The following SNX1 variants were observed in gnomAD, a reference collection of about 807,000 sequenced individuals.
SNX1 encodes the protein sorting nexin-1.
In SNX1, 36 loss-of-function variants were observed where a neutral mutation model predicts 71.8. The ratio of observed to expected loss-of-function variants is 0.50; its 90% CI spans 0.38 to 0.66. SNX1 has a LOEUF of 0.66. Ranked by LOEUF, SNX1 falls within the 30% of genes least tolerant of loss-of-function variation. The pLI, the probability that SNX1 is intolerant of heterozygous loss-of-function variation, is 0.00. For missense variants in SNX1, 612 were observed against 646.7 expected, an observed-to-expected ratio of 0.95 and a Z score of 0.58; for synonymous variants, 254 against 240.7, an observed-to-expected ratio of 1.06 and a Z score of -0.51.
At chr15:64,116,230 TG>T (rs1203798412) in intron 2 of SNX1, among the ~76,000 whole-genome samples, 2 of 152,210 alleles carry the variant, frequency 1.3e-5, no homozygotes, top group Non-Finnish European at 2.9e-5. Context: ...TAAATGGAAG[TG>T]GTTCATCATA....
At chr15:64,136,503 G>A in intron 13 of SNX1, 93 bp downstream of exon 13, 1 of 1,135,112 alleles carries the variant, frequency 8.8e-7, no homozygotes. Flanking sequence ...AAAGAGAGAG[G>A]TGCCAGTAAC....
intron 1 of SNX1, among the ~76,000 whole-genome samples, chr15:64,098,940 T>A (rs902708838): frequency 6.6e-6 from 1 of 152,118 alleles, no homozygotes; most frequent in African/African-American, 2.4e-5. Context: ...AAATGCCACC[T>A]ATAAGCCATT....
chr15:64,127,897 C>A, intron 8 of SNX1, 91 bp downstream of exon 8: 2 of 872,422 alleles, frequency 2.3e-6, no homozygotes, highest in South Asian at 1.4e-5. Context: ...GAGCACTTAA[C>A]ATGCCTAGTA....
chr15:64,131,986 C>T (rs955756621), intron 11 of SNX1, 94 bp downstream of exon 11: 1 of 1,301,974 alleles, frequency 7.7e-7, no homozygotes, highest in African/African-American at 1.5e-5. Flanking sequence ...CCCATTATAG[C>T]TTGTAAATAG....
Position 64,131,512 on chromosome 15 carries a change from A to C in SNX1, c.1016-175A>C, listed in dbSNP as rs2081306165. ...CCTCCTGCTCCTGTGACCAGGCCAC[A>C]TTCTCTTTACTCTCTGAATACAGTT... On this transcript the variant is annotated intron_variant, in intron 10 of 14. Coordinates refer to ENST00000559844, the MANE Select transcript of SNX1 (RefSeq NM_003099.5). 6 of 626,354 alleles carry C rather than the reference A, an allele frequency of 9.6e-6. 1 individual carries two copies. Among genetic ancestry groups the C allele is most frequent in the Non-Finnish European group, 1.4e-5 (5 of 362,534 alleles). 38.8% of individuals were successfully genotyped at this position (626,354 alleles called of 1,614,324 possible).
chr15:64,101,020 C>CT (rs2080956061), intron 1 of SNX1, among the ~76,000 whole-genome samples: 1 of 152,140 alleles, frequency 6.6e-6, no homozygotes, highest in African/African-American at 2.4e-5. Context: ...AGACTGGTCT[C>CT]TTAACTACTG....
At chr15:64,123,945 A>C (rs921215078) in intron 5 of SNX1, among the ~76,000 whole-genome samples, 1 of 151,980 alleles carries the variant, frequency 6.6e-6, no homozygotes. Flanking sequence ...TCTTTTGTAT[A>C]TAATATTAAT....
At chr15:64,115,692 T>G (rs762605280) in intron 2 of SNX1, 5 of 222,230 alleles carry the variant, frequency 2.2e-5, no homozygotes, top group South Asian at 2.1e-4. Flanking sequence ...ACCTTCTGAG[T>G]AGCTAGGACC....
chr15:64,115,252 T>A (rs929699363), intron 2 of SNX1, among the ~76,000 whole-genome samples: 1 of 152,204 alleles, frequency 6.6e-6, no homozygotes, highest in African/African-American at 2.4e-5. Flanking sequence ...ACTAGTTTTT[T>A]AAGTAGCCAA....
At position 64,126,135 on chromosome 15, in the gene SNX1, C is replaced by T. The variant is rs368338707; in HGVS notation, c.567C>T (p.Asp189=). 4 of 1,613,984 alleles carry T rather than the reference C, an allele frequency of 2.5e-6. No individual in the cohort carries two copies. The highest frequency in any genetic ancestry group is 2.5e-6 in the Non-Finnish European group (3 of 1,179,986). The part of the protein sequence containing the change: ...KQFAVKRRFS[D]FLGLYEKLSE... ...TTGCAGTAAAAAGAAGATTTAGTGA[C>T]TTTCTGGGTCTTTATGAGAAGCTTT... Residue 189 remains aspartate, a synonymous_variant, in exon 6 of 15, where the codon GAC becomes GAT. Transcript: ENST00000559844.
intron 2 of SNX1, among the ~76,000 whole-genome samples, chr15:64,116,168 A>G (rs2081126926): frequency 6.6e-6 from 1 of 152,220 alleles, no homozygotes; most frequent in Admixed American, 6.5e-5. Flanking sequence ...TAAGCTAGAG[A>G]AAAGAAAGTT....
In SNX1 at chr15:64,111,485, A is replaced by T. The variant is rs559184792; in HGVS notation, c.160-1088A>T. On this transcript the variant is annotated intron_variant, in intron 1 of 14. Transcript: ENST00000559844. Reference sequence around the variant, plus strand: ...AAGACTAGTCAAGTGCAGTAGTGAGAAGTGGGGAAATATCAAACAAGGGTT... The same window carrying T: ...AAGACTAGTCAAGTGCAGTAGTGAGTAGTGGGGAAATATCAAACAAGGGTT... The T allele has an allele frequency of 6.6e-5, 10 of 152,264 alleles. No individual in the cohort carries two copies. In the South Asian group the frequency reaches 1.9e-3, roughly 28 times the overall value. 9.4% of individuals were successfully genotyped at this position (152,264 alleles called of 1,614,324 possible). A position where few individuals can be genotyped will look rare whatever the true frequency, so the allele number is the denominator to read the frequency against.
chr15:64,134,582 T>C lies in SNX1; in HGVS notation c.1222-82T>C, dbSNP rs1340589534. ...TTGCTCAGTCTGTCCCTGGTGCAGC[T>C]GCTGGGAGAGCCTGCCTCGAGGCAG... On this transcript the variant is annotated intron_variant, in intron 11 of 14. Transcript: ENST00000559844. This position sits in a 1 kb window ranked among gnomAD's most constrained non-coding sequence, Gnocchi z 4.1. 5 of 1,510,234 alleles carry C rather than the reference T, an allele frequency of 3.3e-6. No individual in the cohort carries two copies. In the East Asian group the frequency reaches 6.9e-5, roughly 21 times the overall value. 93.6% of individuals were successfully genotyped at this position (1,510,234 alleles called of 1,614,324 possible).
intron 1 of SNX1, among the ~76,000 whole-genome samples, chr15:64,112,357 G>C (rs1302722702): frequency 6.6e-6 from 1 of 152,234 alleles, no homozygotes; most frequent in Non-Finnish European, 1.5e-5. Context: ...TAGGGCATTT[G>C]AGCGAGGTTA....
At chr15:64,137,424 T>C (rs936859967) in intron 14 of SNX1, 144 bp from the exon 15 acceptor site, 10 of 765,198 alleles carry the variant, frequency 1.3e-5, no homozygotes, top group African/African-American at 1.2e-4. Flanking sequence ...GTGAAGGTCA[T>C]GTGGCCTGTG....
Position 64,142,565 on chromosome 15 carries a change from T to C in SNX1, c.*4947T>C. The C allele has an allele frequency of 2.2e-6, 1 of 452,234 alleles. No individual in the cohort carries two copies. Among genetic ancestry groups the C allele is most frequent in the East Asian group, 7.0e-5 (1 of 14,344 alleles). 28.0% of individuals were successfully genotyped at this position (452,234 alleles called of 1,614,324 possible). ...ACTGCTGAGGCCACAGGAAAGAATC[T>C]GTAGGTGGAGGGGAGGCCGAAGAGG... On this transcript the variant is annotated 3_prime_UTR_variant, in exon 15 of 15. Transcript: ENST00000559844.
intron 1 of SNX1, among the ~76,000 whole-genome samples, chr15:64,101,889 A>C (rs2080965816): frequency 6.6e-6 from 1 of 152,218 alleles, no homozygotes; most frequent in Non-Finnish European, 1.5e-5. Context: ...GAAAGAGAGG[A>C]TTTTGAATGT....
Position 64,142,569 on chromosome 15 carries a change from G to C in SNX1, c.*4951G>C, listed in dbSNP as rs2081425899. On this transcript the variant is annotated 3_prime_UTR_variant, in exon 15 of 15. Transcript: ENST00000559844. ...CTGAGGCCACAGGAAAGAATCTGTA[G>C]GTGGAGGGGAGGCCGAAGAGGGGAA... The C allele has an allele frequency of 1.3e-5, 6 of 453,390 alleles. No individual in the cohort carries two copies. Among genetic ancestry groups the C allele is most frequent in the South Asian group, 9.3e-5 (6 of 64,272 alleles). The allele number at this position is 453,390 out of a possible 1,614,324, so 28.1% of individuals were successfully genotyped here.
In SNX1 at chr15:64,134,874, C is replaced by A; in HGVS notation, c.1365+67C>A. On this transcript the variant is annotated intron_variant, in intron 12 of 14. Transcript: ENST00000559844. The surrounding 1 kb of genome is among the most constrained non-coding windows in gnomAD (Gnocchi z 4.1). ...TTCCAAATGAACCCAGGGCCCATCC[C>A]ACCCAGAGGTTTGGAACCCCACAGG... 2 of 1,581,664 alleles carry A rather than the reference C, an allele frequency of 1.3e-6. No homozygotes were observed. Among genetic ancestry groups the A allele is most frequent in the East Asian group, 4.6e-5 (2 of 43,392 alleles).
Sources: allele counts gnomAD v4.1 joint callset (sites outside exome capture counted in the v4.1 genomes callset), GRCh38; gene constraint gnomAD v4.1.1; non-coding constraint Gnocchi (gnomAD v3.1); transcripts MANE v1.5; gene names NCBI Gene and HGNC (gene_info 2026-07-23, HGNC 2026-07-21).